UST: variants seen among roughly 807,000 people sequenced by gnomAD.
UST encodes chondroitin sulfate 2-O-sulfotransferase.
UST carries 21 observed loss-of-function variants against 45.6 expected under a neutral mutation model. The observed-to-expected ratio is 0.46, with a 90% CI of 0.33 to 0.66. UST has a LOEUF of 0.66. UST is among the 30% of genes least tolerant of loss of function. The pLI, the probability that UST is intolerant of heterozygous loss-of-function variation, is 0.02. For missense variants in UST, 463 were observed against 512.4 expected (o/e 0.90, Z 0.93); for synonymous variants, 215 against 200.6 (o/e 1.07, Z -0.61).
At chr6:148,990,145 G>A (rs1398480539) in intron 5 of UST, among the ~76,000 whole-genome samples, 1 of 152,100 alleles carries the variant, frequency 6.6e-6, no homozygotes, top group East Asian at 1.9e-4. Flanking sequence ...GTTACTGAAA[G>A]GTGCTATACA....
At chr6:148,829,964 T>G in intron 1 of UST, among the ~76,000 whole-genome samples, 1 of 152,210 alleles carries the variant, frequency 6.6e-6, no homozygotes, top group Non-Finnish European at 1.5e-5. Context: ...CATATCACTT[T>G]GTTAACATTT....
At chr6:148,843,689 C>T (rs1207859841) in intron 1 of UST, among the ~76,000 whole-genome samples, 1 of 152,242 alleles carries the variant, frequency 6.6e-6, no homozygotes, top group African/African-American at 2.4e-5. Context: ...CCTAAAACTA[C>T]ATCATCTCCC....
At chr6:149,046,083 T>A (rs1776391458) in intron 7 of UST, among the ~76,000 whole-genome samples, 1 of 152,192 alleles carries the variant, frequency 6.6e-6, no homozygotes. Context: ...AAAGAGATTT[T>A]CCCTTCAAAT....
chr6:148,878,852 G>A (rs1778772960), intron 1 of UST, among the ~76,000 whole-genome samples: 1 of 151,736 alleles, frequency 6.6e-6, no homozygotes, highest in Admixed American at 6.6e-5. Flanking sequence ...GATTATGTGT[G>A]AGTGTGGGGA....
intron 1 of UST, among the ~76,000 whole-genome samples, chr6:148,813,469 C>T (rs932109831): frequency 6.6e-6 from 1 of 151,996 alleles, no homozygotes; most frequent in African/African-American, 2.4e-5. Context: ...GCAACCTCCA[C>T]CTCCCGGGTT....
At chr6:148,906,074 ACTTGT>A (rs1289089320) in intron 2 of UST, among the ~76,000 whole-genome samples, 1 of 148,634 alleles carries the variant, frequency 6.7e-6, no homozygotes, top group African/African-American at 2.6e-5. Flanking sequence ...TCCAGAATGA[ACTTGT>A]CAGTTACGTA....
chr6:148,770,052 C>A (rs578173268), intron 1 of UST, among the ~76,000 whole-genome samples: 1 of 151,946 alleles, frequency 6.6e-6, no homozygotes, highest in South Asian at 2.1e-4. Flanking sequence ...AAAACATTGA[C>A]CCTGCGATCA....
chr6:148,927,038 T>G (rs1582903109), intron 2 of UST, among the ~76,000 whole-genome samples: 5 of 152,264 alleles, frequency 3.3e-5, no homozygotes, highest in Admixed American at 3.3e-4. Flanking sequence ...CCTTCTGAAT[T>G]TAAAATATTC....
At position 148,747,635 on chromosome 6, in the gene UST, G is replaced by T. The variant is rs771890812; in HGVS notation, c.205G>T (p.Gly69Trp). 3 of 1,600,016 alleles carry T rather than the reference G, an allele frequency of 1.9e-6. No individual in the cohort carries two copies. Among genetic ancestry groups the T allele is most frequent in the South Asian group, 1.1e-5 (1 of 88,814 alleles). ...CLGSLLYQLS[G>W]GPPRFLLDLR... ...GGGCTCCCTCCTCTATCAGCTCAGC[G>T]GGGGACCCCCTCGCTTCCTGCTCGA... The change falls in exon 1 of 8, where the codon GGG becomes TGG. Residue 69 changes from glycine (G) to tryptophan (W), a missense_variant. Gly to Trp is a radical substitution (Grantham distance 184, BLOSUM62 -2). Transcript: ENST00000367463.
chr6:149,043,489 C>T (rs1194531251), intron 7 of UST, among the ~76,000 whole-genome samples: 1 of 152,274 alleles, frequency 6.6e-6, no homozygotes, highest in African/African-American at 2.4e-5. Context: ...TTTTCACAGG[C>T]ATCCGCATCC....
At chr6:148,877,297 G>A (rs1211986045) in intron 1 of UST, among the ~76,000 whole-genome samples, 1 of 81,654 alleles carries the variant, frequency 1.2e-5, no homozygotes, top group East Asian at 4.8e-4. Context: ...GTATGAGTGC[G>A]GGGGGTCGTG....
At chr6:148,950,455 C>T (rs1290572641) in intron 3 of UST, among the ~76,000 whole-genome samples, 2 of 152,182 alleles carry the variant, frequency 1.3e-5, no homozygotes, top group Admixed American at 6.5e-5. Context: ...TGTTGATCAC[C>T]CACAGAATAA....
chr6:148,864,151 C>A (rs949540023), intron 1 of UST, among the ~76,000 whole-genome samples: 6 of 152,224 alleles, frequency 3.9e-5, no homozygotes, highest in Admixed American at 2.0e-4. Flanking sequence ...GTGGGCTCCA[C>A]CCAGTTTGAG....
chr6:148,767,103 T>C (rs1158406189), intron 1 of UST, among the ~76,000 whole-genome samples: 1 of 152,170 alleles, frequency 6.6e-6, no homozygotes, highest in Non-Finnish European at 1.5e-5. Context: ...GAGGTTGCAG[T>C]TGGAGGGCCA....
intron 2 of UST, among the ~76,000 whole-genome samples, chr6:148,936,573 CTTTTTTTT>C (rs138494669): frequency 4.7e-5 from 4 of 85,336 alleles, no homozygotes; most frequent in South Asian, 4.8e-4. Flanking sequence ...AAAATCAGTC[CTTTTTTTT>C]TTTTTTTTTT....
intron 1 of UST, among the ~76,000 whole-genome samples, chr6:148,785,429 C>T (rs1776716909): frequency 6.6e-6 from 1 of 152,110 alleles, no homozygotes; most frequent in African/African-American, 2.4e-5. Context: ...ATGCCTACCT[C>T]AAAGGTTGTT....
At chr6:148,884,698 G>C (rs1299775118) in intron 1 of UST, among the ~76,000 whole-genome samples, 3 of 152,152 alleles carry the variant, frequency 2.0e-5, no homozygotes, top group African/African-American at 7.2e-5. Flanking sequence ...CCATGATCTA[G>C]TAGATAAGGC....
chr6:148,784,547 A>G (rs1466260065), intron 1 of UST, among the ~76,000 whole-genome samples: 3 of 152,224 alleles, frequency 2.0e-5, no homozygotes. Flanking sequence ...GTCTGTATCT[A>G]AGCTGGCTGG....
chr6:149,067,442 A>G (rs1776748117), intron 7 of UST, among the ~76,000 whole-genome samples: 1 of 152,172 alleles, frequency 6.6e-6, no homozygotes, highest in Non-Finnish European at 1.5e-5. Context: ...ATCCTTAACT[A>G]TTCAAGAAAG....
Sources: gnomAD v4.1 joint callset for allele counts (sites outside exome capture counted in the v4.1 genomes callset) on GRCh38, gnomAD v4.1.1 for gene constraint, MANE v1.5 for transcripts, NCBI Gene and HGNC (gene_info 2026-07-23, HGNC 2026-07-21) for gene names.